PROM1: variants seen among roughly 807,000 people sequenced by gnomAD.
PROM1 encodes prominin-1.
PROM1 carries 105 observed loss-of-function variants against 116.9 expected under a neutral mutation model. That is an observed-to-expected ratio of 0.90 (90% CI 0.77 to 1.06). The LOEUF is 1.06. Ranked by LOEUF, PROM1 falls within the 50% of genes least tolerant of loss-of-function variation. The pLI is 0.00. For synonymous variants in PROM1, 393 were observed against 387.0 expected (o/e 1.02, Z -0.18); for missense variants, 1,122 against 1,045.2 (o/e 1.07, Z -1.01).
chr4:16,059,750 C>T (rs1215343316), intron 2 of PROM1, among the ~76,000 whole-genome samples: 1 of 152,008 alleles, frequency 6.6e-6, no homozygotes, highest in Non-Finnish European at 1.5e-5. Flanking sequence ...TAGGAGTTTA[C>T]CCCATATATA....
intron 26 of PROM1, among the ~76,000 whole-genome samples, chr4:15,972,891 C>T (rs1714967760): frequency 1.3e-5 from 2 of 152,198 alleles, no homozygotes; most frequent in Admixed American, 6.5e-5. Context: ...CACAACAGGG[C>T]TCTGAGCAGC....
intron 8 of PROM1, among the ~76,000 whole-genome samples, chr4:16,022,211 C>T (rs1316305149): frequency 6.6e-6 from 1 of 151,902 alleles, no homozygotes; most frequent in Non-Finnish European, 1.5e-5. Context: ...AAAGCCAGGA[C>T]AGGAAGGCAG....
rs180988378 is a variant in PROM1, at chr4:16,023,195, C to T, written c.784+131G>A. 70 of 749,790 alleles carry T rather than the reference C, an allele frequency of 9.3e-5. No homozygotes were observed. In the African/African-American group the frequency reaches 9.7e-4, roughly 10 times the overall value. 46.4% of individuals were successfully genotyped at this position (749,790 alleles called of 1,614,324 possible). On this transcript the variant is annotated intron_variant, in intron 8 of 27. Coordinates refer to ENST00000447510, the MANE Select transcript of PROM1 (RefSeq NM_006017.3). ...TTGCAACACAGTGTCTTGACCTGAA[C>T]TGTCTGCATGGCCACGGACGGTGGC...
chr4:16,041,649 G>A (rs974692711), intron 2 of PROM1, among the ~76,000 whole-genome samples: 4 of 151,824 alleles, frequency 2.6e-5, no homozygotes, highest in African/African-American at 9.7e-5. Context: ...ACCTGTAGTG[G>A]GAGGCTGAAG....
intron 9 of PROM1, among the ~76,000 whole-genome samples, chr4:16,017,689 C>T (rs1024351055): frequency 6.6e-6 from 1 of 152,058 alleles, no homozygotes; most frequent in East Asian, 1.9e-4. Context: ...GGCATGGTGG[C>T]GGGTGCCTGT....
chr4:15,981,251 G>A (rs934654552), intron 23 of PROM1, among the ~76,000 whole-genome samples: 1 of 145,350 alleles, frequency 6.9e-6, no homozygotes, highest in Admixed American at 6.9e-5. Flanking sequence ...GTGAGCCACC[G>A]CGCCTGGCTG....
intron 8 of PROM1, among the ~76,000 whole-genome samples, chr4:16,022,561 C>T (rs1239335973): frequency 1.3e-5 from 2 of 151,950 alleles, no homozygotes; most frequent in East Asian, 1.9e-4. Flanking sequence ...CCAATTTCCA[C>T]GCAATTCTCT....
chr4:16,075,182 C>G (rs1743688490), intron 2 of PROM1, among the ~76,000 whole-genome samples: 1 of 152,204 alleles, frequency 6.6e-6, no homozygotes. Flanking sequence ...CACCCAAGCT[C>G]TTAGAAATGA....
At chr4:15,981,580 GAA>G (rs59738367) in intron 23 of PROM1, among the ~76,000 whole-genome samples, 12 of 143,400 alleles carry the variant, frequency 8.4e-5, no homozygotes, top group South Asian at 2.2e-4. Flanking sequence ...TCAAAAAAAA[GAA>G]AAAAAAAAAA....
intron 2 of PROM1, among the ~76,000 whole-genome samples, chr4:16,046,654 C>T (rs1399357550): frequency 2.0e-5 from 3 of 152,204 alleles, no homozygotes; most frequent in African/African-American, 2.4e-5. Flanking sequence ...TTTATTTTAA[C>T]TTATTTAAGA....
chr4:15,970,424 C>T (rs1450886686), intron 27 of PROM1, among the ~76,000 whole-genome samples: 4 of 151,896 alleles, frequency 2.6e-5, no homozygotes, highest in Non-Finnish European at 4.4e-5. Context: ...CTGCCCGCCT[C>T]GGCCTCCCAT....
intron 2 of PROM1, among the ~76,000 whole-genome samples, chr4:16,057,366 TAAAC>T: frequency 6.6e-6 from 1 of 152,228 alleles, no homozygotes; most frequent in Non-Finnish European, 1.5e-5. Context: ...TCTCAATTAG[TAAAC>T]ATGTCCTAAT....
intron 25 of PROM1, 139 bp downstream of exon 25, chr4:15,979,742 C>T (rs1309613633): frequency 2.2e-6 from 2 of 916,654 alleles, no homozygotes; most frequent in Non-Finnish European, 3.3e-6. Flanking sequence ...AAGACCATTG[C>T]AATTTATTTT....
chr4:16,058,257 C>A (rs948743823), intron 2 of PROM1, among the ~76,000 whole-genome samples: 3 of 152,126 alleles, frequency 2.0e-5, no homozygotes, highest in African/African-American at 7.2e-5. Flanking sequence ...CCACTGAAGG[C>A]TTTAACATTT....
rs1365604135 is a variant in PROM1, at chr4:15,971,056, A to T, written c.*11T>A. On this transcript the variant is annotated 3_prime_UTR_variant, in exon 27 of 28. Transcript: ENST00000447510. Reference sequence around the variant, plus strand: ...CATCAAACTTACCTCAAGCAGTTTCAACATCAGCTATCAATGTTGTGATGG... The same window carrying T: ...CATCAAACTTACCTCAAGCAGTTTCTACATCAGCTATCAATGTTGTGATGG... The T allele has an allele frequency of 2.5e-6, 4 of 1,582,858 alleles. No individual in the cohort carries two copies. In the East Asian group the frequency reaches 6.8e-5, roughly 27 times the overall value.
At chr4:16,009,934 CAAAAAAAAA>C (rs4065768) in intron 11 of PROM1, among the ~76,000 whole-genome samples, 2 of 75,422 alleles carry the variant, frequency 2.7e-5, no homozygotes, top group Non-Finnish European at 2.5e-5. Flanking sequence ...GACTCGCTCT[CAAAAAAAAA>C]AAAAAAAAAA....
At chr4:16,064,492 T>C (rs952707352) in intron 2 of PROM1, among the ~76,000 whole-genome samples, 2 of 152,170 alleles carry the variant, frequency 1.3e-5, no homozygotes, top group African/African-American at 2.4e-5. Context: ...CTCCGTGGGA[T>C]GGTTCTTTTT....
chr4:16,010,284 G>C lies in PROM1; in HGVS notation c.1142-1176C>G, dbSNP rs542197580. Among the ~76,000 whole-genome samples the C allele has an allele frequency of 9.9e-5, 15 of 152,236 alleles. No homozygotes were observed. The South Asian group carries it at 3.1e-3, about 32-fold the overall frequency. ...CTGAACCAACGCTCACATGAGTTCT[G>C]AAGGTGGCTGTATCCAAGTGATTCT... On this transcript the variant is annotated intron_variant, in intron 11 of 27. Transcript: ENST00000447510.
Position 16,030,533 on chromosome 4 carries a change from T to G in PROM1, c.509+2771A>C, listed in dbSNP as rs567156537. Among the ~76,000 whole-genome samples, 3 of 152,302 alleles carry G rather than the reference T, an allele frequency of 2.0e-5. No homozygotes were observed. The East Asian group carries it at 5.8e-4, about 29-fold the overall frequency. ...AAATATACTTAGAAAAAACATATAT[T>G]GATTTGATAGGTCTGAGTTCTCAAG... On this transcript the variant is annotated intron_variant, in intron 5 of 27. Transcript: ENST00000447510.
Sources: allele counts gnomAD v4.1 joint callset (sites outside exome capture counted in the v4.1 genomes callset), GRCh38; gene constraint gnomAD v4.1.1; transcripts MANE v1.5; gene names NCBI Gene and HGNC (gene_info 2026-07-23, HGNC 2026-07-21).